The following DIPK1A variants were observed in gnomAD, a reference collection of about 807,000 sequenced individuals.
DIPK1A encodes family with sequence similarity 69 member A.
Under a neutral mutation model 40.8 loss-of-function variants are expected in DIPK1A, and 27 were observed. The ratio of observed to expected loss-of-function variants is 0.66; its 90% confidence interval spans 0.49 to 0.91. DIPK1A has a LOEUF of 0.91. Ranked by LOEUF, DIPK1A falls within the 40% of genes least tolerant of loss-of-function variation. The probability of loss-of-function intolerance (pLI) is 0.00; values close to 1 mark genes in which losing one functional copy is unlikely to be tolerated. For synonymous variants in DIPK1A, 166 were observed against 171.3 expected (o/e 0.97, Z 0.24); for missense variants, 412 against 505.7 (o/e 0.81, Z 1.78).
At chr1:92,907,665 C>A (rs571420204) in intron 1 of DIPK1A, among the ~76,000 whole-genome samples, 3 of 152,036 alleles carry the variant, frequency 2.0e-5, no homozygotes, top group Non-Finnish European at 4.4e-5. Context: ...GTCTTGAACT[C>A]CCCTGGGCTC....
intron 2 of DIPK1A, among the ~76,000 whole-genome samples, chr1:92,858,979 C>T (rs1238254045): frequency 6.6e-6 from 1 of 152,120 alleles, no homozygotes; most frequent in Non-Finnish European, 1.5e-5. Flanking sequence ...TAAGATTGTT[C>T]TTTACTCCGG....
intron 4 of DIPK1A, chr1:92,834,757 C>A: frequency 6.2e-7 from 1 of 1,612,106 alleles, no homozygotes. Context: ...AGATTACTAA[C>A]CTAGTTTCTC....
chr1:92,960,101 T>C (rs1173183566), intron 1 of DIPK1A, among the ~76,000 whole-genome samples: 1 of 151,520 alleles, frequency 6.6e-6, no homozygotes, highest in East Asian at 1.9e-4. Context: ...CAGAGGTACC[T>C]GGCCTGGGTT....
chr1:92,928,965 G>GA (rs531620093), intron 1 of DIPK1A, among the ~76,000 whole-genome samples: 2,815 of 76,646 alleles, frequency 0.037, 111 homozygotes, highest in African/African-American at 0.093. Flanking sequence ...CCATCTCAAA[G>GA]AAAAAAAAAA....
At chr1:92,889,269 T>G (rs1354270026) in intron 1 of DIPK1A, among the ~76,000 whole-genome samples, 1 of 152,252 alleles carries the variant, frequency 6.6e-6, no homozygotes, top group Non-Finnish European at 1.5e-5. Context: ...GATAGTCCGT[T>G]TCCCAATAAA....
intron 1 of DIPK1A, among the ~76,000 whole-genome samples, chr1:92,911,694 G>A (rs1415632800): frequency 6.6e-6 from 1 of 151,982 alleles, no homozygotes; most frequent in African/African-American, 2.4e-5. Flanking sequence ...TATAATTGCT[G>A]GGTCATATGA....
At chr1:92,878,315 T>C (rs945508946) in intron 1 of DIPK1A, among the ~76,000 whole-genome samples, 7 of 152,008 alleles carry the variant, frequency 4.6e-5, no homozygotes, top group Non-Finnish European at 1.0e-4. Flanking sequence ...GAGGCTGAGG[T>C]AGGAGAATCA....
At chr1:92,958,167 G>A (rs1651923642) in intron 1 of DIPK1A, among the ~76,000 whole-genome samples, 1 of 152,136 alleles carries the variant, frequency 6.6e-6, no homozygotes, top group Non-Finnish European at 1.5e-5. Flanking sequence ...CAGTGAATAG[G>A]TGCCTGCATT....
At chr1:92,837,287 C>T (rs1409780719), downstream of DIPK1A, 1 of 778,926 alleles carries the variant, frequency 1.3e-6, no homozygotes, top group Non-Finnish European at 2.4e-6. Flanking sequence ...CAGAGATGAG[C>T]TGCTGAATGA....
downstream of DIPK1A, among the ~76,000 whole-genome samples, chr1:92,841,223 T>C (rs2100698802): frequency 6.6e-6 from 1 of 152,336 alleles, no homozygotes; most frequent in Non-Finnish European, 1.5e-5. Context: ...ACCATTCTGC[T>C]CTCTGCTTCT....
At chr1:92,853,115 G>C (rs372050060) in intron 2 of DIPK1A, among the ~76,000 whole-genome samples, 1 of 151,970 alleles carries the variant, frequency 6.6e-6, no homozygotes, top group African/African-American at 2.4e-5. Context: ...AAATGAAATG[G>C]AAATTTAAAA....
chr1:92,852,748 TAGG>T lies in DIPK1A; in HGVS notation c.190-1796_190-1794del, dbSNP rs561887299. Among the ~76,000 whole-genome samples the T allele has an allele frequency of 3.3e-3, 502 of 151,626 alleles. 3 individuals carry two copies. Among genetic ancestry groups the T allele is most frequent in the African/African-American group, 0.011 (472 of 41,352 alleles). On this transcript the variant is annotated intron_variant, in intron 2 of 4. Transcript: ENST00000370310. Reference sequence around the variant, plus strand: ...GACAGGGATAAAACACAGTAAGATTTAGGAGGACTAGGCCAGGCGTGGTGGCTC... The same window carrying T: ...GACAGGGATAAAACACAGTAAGATTTAGGACTAGGCCAGGCGTGGTGGCTC...
intron 1 of DIPK1A, among the ~76,000 whole-genome samples, chr1:92,901,083 G>C (rs1557477069): frequency 6.6e-6 from 1 of 152,110 alleles, no homozygotes; most frequent in Non-Finnish European, 1.5e-5. Flanking sequence ...TGTGTTCAAT[G>C]TTAGCAATAA....
intron 1 of DIPK1A, among the ~76,000 whole-genome samples, chr1:92,940,268 C>T (rs1651101816): frequency 6.6e-6 from 1 of 152,224 alleles, no homozygotes; most frequent in Non-Finnish European, 1.5e-5. Context: ...CAACTCTCCC[C>T]TGACTTGCCT....
intron 2 of DIPK1A, among the ~76,000 whole-genome samples, chr1:92,874,454 A>C (rs1179756738): frequency 2.0e-5 from 3 of 152,232 alleles, no homozygotes; most frequent in African/African-American, 7.2e-5. Context: ...AAAGAACCTA[A>C]GAAGTCCTTA....
chr1:92,934,057 T>C (rs1167576578), intron 1 of DIPK1A: 3 of 152,254 alleles, frequency 2.0e-5, no homozygotes, highest in African/African-American at 7.2e-5. Context: ...TTCTTAGGAT[T>C]TGTCAACAAA....
chr1:92,853,795 A>G (rs548466631), intron 2 of DIPK1A, among the ~76,000 whole-genome samples: 11 of 152,354 alleles, frequency 7.2e-5, no homozygotes, highest in Non-Finnish European at 1.3e-4. Context: ...TCAGCCAACA[A>G]AGAGATGAAT....
intron 1 of DIPK1A, among the ~76,000 whole-genome samples, chr1:92,917,234 T>G (rs1232087410): frequency 6.6e-6 from 1 of 152,238 alleles, no homozygotes; most frequent in Non-Finnish European, 1.5e-5. Flanking sequence ...AGGCTATATA[T>G]AGATTTTTTA....
In DIPK1A at chr1:92,878,677, G is replaced by A. The variant is rs533248464; in HGVS notation, c.55-2247C>T. Among the ~76,000 whole-genome samples, 115 of 152,200 alleles carry A rather than the reference G, an allele frequency of 7.6e-4. 1 individual carries two copies. The Middle Eastern group carries it at 0.017, about 23-fold the overall frequency. ...CTACTAAAAATACAAAAAATTAGCCGGGCGAGGTGGCGGGGGCCTGTAGTC... is the reference window on the plus strand; with the variant it reads ...CTACTAAAAATACAAAAAATTAGCCAGGCGAGGTGGCGGGGGCCTGTAGTC... On this transcript the variant is annotated intron_variant, in intron 1 of 4. Coordinates refer to ENST00000370310, the MANE Select transcript of DIPK1A (RefSeq NM_001006605.5).
Sources: allele counts gnomAD v4.1 joint callset (sites outside exome capture counted in the v4.1 genomes callset), GRCh38; gene constraint gnomAD v4.1.1; transcripts MANE v1.5; gene names NCBI Gene and HGNC (gene_info 2026-07-23, HGNC 2026-07-21).